Variants in TMPRSS15 observed in about 807,000 individuals in gnomAD.
TMPRSS15 encodes transmembrane serine protease 15.
In TMPRSS15, 128 loss-of-function variants were observed where a neutral mutation model predicts 125.3. That is an observed-to-expected ratio of 1.02 (90% CI 0.89 to 1.18). The LOEUF (loss-of-function observed/expected upper bound fraction) is 1.18. Among genes scored for constraint, TMPRSS15 ranks in the 50% most tolerant of loss-of-function variants. TMPRSS15 has a pLI of 0.00. For missense variants in TMPRSS15, 1,283 were observed against 1,212.7 expected (o/e 1.06, Z -0.86); for synonymous variants, 446 against 423.2 (o/e 1.05, Z -0.66).
intron 1 of TMPRSS15, among the ~76,000 whole-genome samples, chr21:18,452,536 G>C (rs1237774573): frequency 6.6e-6 from 1 of 152,026 alleles, no homozygotes; most frequent in Non-Finnish European, 1.5e-5. Context: ...CATGGTGGTG[G>C]GCACCTGTGG....
intron 3 of TMPRSS15, among the ~76,000 whole-genome samples, chr21:18,391,022 T>G (rs1178292806): frequency 1.3e-5 from 2 of 152,068 alleles, no homozygotes; most frequent in African/African-American, 4.8e-5. Context: ...CACACTGTCA[T>G]GAGAACAGCA....
intron 1 of TMPRSS15, among the ~76,000 whole-genome samples, chr21:18,419,486 A>T (rs1195634535): frequency 1.3e-5 from 2 of 151,954 alleles, no homozygotes; most frequent in African/African-American, 4.8e-5. Flanking sequence ...CAGCCTCCCA[A>T]AGTGCTGGGA....
chr21:18,353,956 T>C, intron 8 of TMPRSS15, 93 bp from the exon 9 acceptor site: 5 of 1,200,742 alleles, frequency 4.2e-6, no homozygotes, highest in Non-Finnish European at 6.1e-6. Context: ...TATCAGTTTG[T>C]CAGTTGATCT....
chr21:18,425,789 A>G (rs1053382317), intron 1 of TMPRSS15, among the ~76,000 whole-genome samples: 1 of 152,052 alleles, frequency 6.6e-6, no homozygotes, highest in Admixed American at 6.5e-5. Flanking sequence ...ATCTCTACAC[A>G]TTTTTCATGG....
At chr21:18,334,800 A>G (rs1206721191) in intron 13 of TMPRSS15, among the ~76,000 whole-genome samples, 3 of 152,190 alleles carry the variant, frequency 2.0e-5, no homozygotes, top group Non-Finnish European at 4.4e-5. Flanking sequence ...AACTTTGGAT[A>G]ATTTCCACCA....
intron 1 of TMPRSS15, among the ~76,000 whole-genome samples, chr21:18,415,535 G>A (rs936688008): frequency 5.1e-4 from 77 of 152,010 alleles, no homozygotes; most frequent in Non-Finnish European, 7.8e-4. Context: ...TGTGAGTGGT[G>A]TTAGGCAGAG....
chr21:18,423,395 CTG>C (rs902058954), intron 1 of TMPRSS15, among the ~76,000 whole-genome samples: 9 of 148,938 alleles, frequency 6.0e-5, no homozygotes, highest in African/African-American at 2.2e-4. Flanking sequence ...AGAGTTCAGT[CTG>C]TAAAATAAAT....
At chr21:18,468,076 A>G (rs1294434890) in intron 1 of TMPRSS15, among the ~76,000 whole-genome samples, 4 of 152,160 alleles carry the variant, frequency 2.6e-5, no homozygotes, top group East Asian at 3.9e-4. Context: ...TAGGATATAT[A>G]GTTGGTTATT....
At chr21:18,319,543 C>T (rs2075212782) in intron 16 of TMPRSS15, among the ~76,000 whole-genome samples, 1 of 151,720 alleles carries the variant, frequency 6.6e-6, no homozygotes, top group Non-Finnish European at 1.5e-5. Context: ...ATTCTCCTGC[C>T]TCAGCCTCCC....
At chr21:18,466,312 G>C (rs1417610281) in intron 1 of TMPRSS15, among the ~76,000 whole-genome samples, 1 of 152,164 alleles carries the variant, frequency 6.6e-6, no homozygotes, top group African/African-American at 2.4e-5. Flanking sequence ...AAAACCCCTA[G>C]AAGAAAACCT....
At chr21:18,396,808 G>GTCTGTCTATCTATCTATCTATCTA (rs1461927983) in intron 3 of TMPRSS15, among the ~76,000 whole-genome samples, 2 of 107,872 alleles carry the variant, frequency 1.9e-5, no homozygotes, top group Non-Finnish European at 3.6e-5. Flanking sequence ...CTGTCTGTCT[G>GTCTGTCTATCTATCTATCTATCTA]TCTATCTATC....
At chr21:18,396,630 C>T (rs2076039677) in intron 3 of TMPRSS15, among the ~76,000 whole-genome samples, 1 of 151,608 alleles carries the variant, frequency 6.6e-6, no homozygotes, top group Admixed American at 6.6e-5. Flanking sequence ...AAAAATTAGC[C>T]GGGTATGGTG....
At chr21:18,293,090 G>A (rs1051493050) in intron 21 of TMPRSS15, among the ~76,000 whole-genome samples, 1 of 152,096 alleles carries the variant, frequency 6.6e-6, no homozygotes, top group Non-Finnish European at 1.5e-5. Context: ...AAAGTCCTGG[G>A]ATTATGCATT....
chr21:18,278,716 C>T (rs1011631995), intron 23 of TMPRSS15, among the ~76,000 whole-genome samples: 4 of 152,164 alleles, frequency 2.6e-5, no homozygotes, highest in South Asian at 2.1e-4. Flanking sequence ...TGCGAGACTC[C>T]GTCTCAAAAA....
At chr21:18,394,007 C>T (rs1023799260) in intron 3 of TMPRSS15, among the ~76,000 whole-genome samples, 7 of 152,056 alleles carry the variant, frequency 4.6e-5, no homozygotes, top group South Asian at 2.1e-4. Context: ...AGTACATAAG[C>T]GAGCAAATGA....
At chr21:18,273,777 C>T (rs1568974478) in intron 24 of TMPRSS15, among the ~76,000 whole-genome samples, 3 of 152,042 alleles carry the variant, frequency 2.0e-5, no homozygotes, top group Admixed American at 6.6e-5. Context: ...AAGTATAAGA[C>T]CCGAAGATAA....
At chr21:18,293,238 G>A (rs905904914) in intron 21 of TMPRSS15, among the ~76,000 whole-genome samples, 4 of 152,156 alleles carry the variant, frequency 2.6e-5, no homozygotes, top group African/African-American at 9.7e-5. Flanking sequence ...ATTTACCCAA[G>A]GATCTTAAAT....
chr21:18,363,068 T>C (rs1357928520), intron 7 of TMPRSS15, among the ~76,000 whole-genome samples: 1 of 152,196 alleles, frequency 6.6e-6, no homozygotes, highest in Non-Finnish European at 1.5e-5. Context: ...CTATATTTAA[T>C]TGATCTTAAA....
intron 1 of TMPRSS15, among the ~76,000 whole-genome samples, chr21:18,466,855 T>C (rs953961628): frequency 1.3e-5 from 2 of 152,174 alleles, no homozygotes; most frequent in Non-Finnish European, 2.9e-5. Context: ...GTCTGGAGAT[T>C]CCTCTAGGAT....
Sources: gnomAD v4.1 joint callset for allele counts (sites outside exome capture counted in the v4.1 genomes callset) on GRCh38, gnomAD v4.1.1 for gene constraint, MANE v1.5 for transcripts, NCBI Gene and HGNC (gene_info 2026-07-23, HGNC 2026-07-21) for gene names.